ZNF664: variants seen among roughly 807,000 people sequenced by gnomAD.
ZNF664 encodes the protein zinc finger Organ of Corti 1.
In ZNF664, 10 loss-of-function variants were observed where a neutral mutation model predicts 18.2. The ratio of observed to expected loss-of-function variants is 0.55; its 90% CI spans 0.34 to 0.93. The LOEUF (loss-of-function observed/expected upper bound fraction) is 0.93, where lower values mean the gene tolerates loss of function less well. ZNF664 is among the 40% of genes least tolerant of loss of function. The pLI is 0.02. For missense variants in ZNF664, 193 were observed against 319.0 expected, an observed-to-expected ratio of 0.61 and a Z score of 3.01; for synonymous variants, 119 against 104.2, an observed-to-expected ratio of 1.14 and a Z score of -0.86.
chr12:123,979,826 C>A (rs1289507367), intron 2 of ZNF664, among the ~76,000 whole-genome samples: 1 of 152,078 alleles, frequency 6.6e-6, no homozygotes, highest in Non-Finnish European at 1.5e-5. Context: ...CACACACACA[C>A]ACACACCACT....
chr12:123,976,754 C>T (rs922975351), intron 2 of ZNF664, among the ~76,000 whole-genome samples: 8 of 151,556 alleles, frequency 5.3e-5, no homozygotes, highest in African/African-American at 1.7e-4. Context: ...CCTCACGTTA[C>T]CAGCTACACT....
chr12:124,009,981 C>A (rs79657287), intron 3 of ZNF664, among the ~76,000 whole-genome samples: 11,772 of 151,858 alleles, frequency 0.078, 593 homozygotes, highest in Middle Eastern at 0.12. Flanking sequence ...TGAGGAGGTG[C>A]CATACTCGAC....
intron 3 of ZNF664, among the ~76,000 whole-genome samples, chr12:123,988,876 A>G (rs1956855392): frequency 6.6e-6 from 1 of 152,142 alleles, no homozygotes; most frequent in Non-Finnish European, 1.5e-5. Context: ...AGTTGAGCAT[A>G]CAGTCTAGAT....
intron 2 of ZNF664, among the ~76,000 whole-genome samples, chr12:123,977,795 A>G (rs187044279): frequency 3.3e-5 from 5 of 152,358 alleles, no homozygotes; most frequent in East Asian, 3.9e-4. Flanking sequence ...ATACAGGTCA[A>G]TGGAACTTAT....
At chr12:124,002,177 G>A (rs1237328419) in intron 3 of ZNF664, among the ~76,000 whole-genome samples, 1 of 152,216 alleles carries the variant, frequency 6.6e-6, no homozygotes, top group Non-Finnish European at 1.5e-5. Flanking sequence ...GCAGATGCCA[G>A]CTCCCTGAGG....
intron 2 of ZNF664, among the ~76,000 whole-genome samples, chr12:123,983,239 T>G (rs1214631640): frequency 6.6e-6 from 1 of 152,264 alleles, no homozygotes; most frequent in Non-Finnish European, 1.5e-5. Context: ...ATTACTCATT[T>G]GTAAGACACT....
Position 124,013,258 on chromosome 12 carries a change from A to G in ZNF664, c.*328A>G, listed in dbSNP as rs1314585785. On this transcript the variant is annotated 3_prime_UTR_variant, in exon 5 of 5. Transcript: ENST00000337815. ...TGCCCGGCCTCCTGAGTCACCTTCT[A>G]TCTATACTTTGCTTAAAAGCTATCC... 1.5e-5 allele frequency: 5 copies of G among 334,506 alleles called. No individual in the cohort carries two copies. The highest frequency in any genetic ancestry group is 4.0e-5 in the South Asian group (1 of 24,762). 20.7% of individuals were successfully genotyped at this position (334,506 alleles called of 1,614,324 possible).
intron 3 of ZNF664, among the ~76,000 whole-genome samples, chr12:124,003,238 A>G (rs902447357): frequency 7.9e-5 from 12 of 152,138 alleles, no homozygotes; most frequent in Non-Finnish European, 1.6e-4. Context: ...TACTTACAGG[A>G]TTCCATTTGG....
chr12:123,976,110 G>A (rs900568839), intron 2 of ZNF664, among the ~76,000 whole-genome samples: 21 of 152,118 alleles, frequency 1.4e-4, no homozygotes, highest in African/African-American at 4.8e-4. Context: ...AACTTATTTT[G>A]TTCTCTTGAA....
At chr12:123,996,038 C>T (rs1166466001) in intron 3 of ZNF664, among the ~76,000 whole-genome samples, 1 of 152,194 alleles carries the variant, frequency 6.6e-6, no homozygotes, top group Non-Finnish European at 1.5e-5. Context: ...GAAAGGAAAG[C>T]TCAGCAGGAA....
chr12:123,976,431 AGAAT>A (rs1198003737), intron 2 of ZNF664, among the ~76,000 whole-genome samples: 2 of 152,226 alleles, frequency 1.3e-5, no homozygotes, highest in East Asian at 3.8e-4. Context: ...AGGAACTGAA[AGAAT>A]GAATGTGGAT....
Position 124,014,101 on chromosome 12 carries a change from CAA to C in ZNF664, c.*1173_*1174del, listed in dbSNP as rs1432681525. 1 of 142,358 alleles carries C rather than the reference CAA, an allele frequency of 7.0e-6. No homozygotes were observed. The highest frequency in any genetic ancestry group is 1.5e-5 in the Non-Finnish European group (1 of 64,666). The allele number at this position is 142,358 out of a possible 1,614,324, so 8.8% of individuals were successfully genotyped here. A position where few individuals can be genotyped will look rare whatever the true frequency, so the allele number is the denominator to read the frequency against. ...GTGGAGGAGACAGATGATAAGTAAA[CAA>C]ATAAATAATGTAGTTTGAGATAGTG... On this transcript the variant is annotated 3_prime_UTR_variant, in exon 5 of 5. Coordinates refer to ENST00000337815, the MANE Select transcript of ZNF664 (RefSeq NM_152437.3).
Position 123,974,030 on chromosome 12 carries a change from C to A in ZNF664, c.-757+10C>A. 1.0e-6 allele frequency: 1 copy of A among 1,004,150 alleles called. No homozygotes were observed. Among genetic ancestry groups the A allele is most frequent in the Non-Finnish European group, 1.3e-6 (1 of 788,302 alleles). 62.2% of individuals were successfully genotyped at this position (1,004,150 alleles called of 1,614,324 possible). On this transcript the variant is annotated intron_variant, in intron 2 of 4. Transcript: ENST00000337815. ...CCGGATTCTCACCCAGGTAAACCGG[C>A]TGCCGGCGCTGTCCACTTCCCTCTG... is the stretch of plus-strand genomic sequence containing the variant.
At chr12:123,976,340 A>T (rs950330481) in intron 2 of ZNF664, among the ~76,000 whole-genome samples, 17 of 152,208 alleles carry the variant, frequency 1.1e-4, no homozygotes, top group African/African-American at 4.1e-4. Flanking sequence ...GTTAGTGTGG[A>T]GGAAAGTGGG....
chr12:123,997,074 C>CTATGAAATGTAATCTCTTAAG (rs1956958245), intron 3 of ZNF664, among the ~76,000 whole-genome samples: 2 of 152,120 alleles, frequency 1.3e-5, no homozygotes, highest in South Asian at 4.1e-4. Context: ...TAAAGATTTT[C>CTATGAAATGTAATCTCTTAAG]TATGAAATGT....
chr12:124,009,398 A>G (rs1957109506), intron 3 of ZNF664, among the ~76,000 whole-genome samples: 1 of 152,188 alleles, frequency 6.6e-6, no homozygotes, highest in Admixed American at 6.5e-5. Flanking sequence ...ATGTAACAGT[A>G]TATTCAGAGA....
intron 3 of ZNF664, among the ~76,000 whole-genome samples, chr12:123,989,843 T>C (rs1008871431): frequency 3.3e-5 from 5 of 152,056 alleles, no homozygotes; most frequent in African/African-American, 7.2e-5. Context: ...TCTCTGAGAG[T>C]ATAGTGGCAA....
chr12:123,992,149 AG>A (rs1415837937), intron 3 of ZNF664, among the ~76,000 whole-genome samples: 1 of 152,188 alleles, frequency 6.6e-6, no homozygotes, highest in Non-Finnish European at 1.5e-5. Context: ...GTAGGGTATA[AG>A]GAAGTATGCG....
intron 2 of ZNF664, among the ~76,000 whole-genome samples, chr12:123,976,204 TAAG>T (rs1297532701): frequency 4.6e-5 from 7 of 152,180 alleles, no homozygotes; most frequent in Non-Finnish European, 7.3e-5. Flanking sequence ...CTGTGAAAGT[TAAG>T]AAGCACCTGC....
Sources: gnomAD v4.1 joint callset for allele counts (sites outside exome capture counted in the v4.1 genomes callset) on GRCh38, gnomAD v4.1.1 for gene constraint, MANE v1.5 for transcripts, NCBI Gene and HGNC (gene_info 2026-07-23, HGNC 2026-07-21) for gene names.